The following PCDH11X variants were observed in gnomAD, a reference collection of about 807,000 sequenced individuals.
PCDH11X encodes the protein protocadherin 11 X-linked.
A neutral mutation model predicts 53.3 loss-of-function variants in PCDH11X; 18 were observed. The observed-to-expected ratio is 0.34, with a 90% CI of 0.23 to 0.50. PCDH11X has a LOEUF of 0.50. PCDH11X is among the 20% of genes least tolerant of loss of function. PCDH11X has a pLI of 0.98. For missense variants in PCDH11X, 570 were observed against 1,032.4 expected, an observed-to-expected ratio of 0.55 and a Z score of 6.14; for synonymous variants, 279 against 393.3, an observed-to-expected ratio of 0.71 and a Z score of 3.44.
At chrX:92,513,145 A>G (rs113670290) in intron 10 of PCDH11X, among the ~76,000 whole-genome samples, 5,585 of 111,024 alleles carry the variant, frequency 0.05, 332 homozygotes, top group African/African-American at 0.17. Flanking sequence ...TACTATTGTT[A>G]AAATCCGAAC....
At chrX:92,438,804 A>G (rs1249369616) in intron 9 of PCDH11X, among the ~76,000 whole-genome samples, 1 of 110,605 alleles carries the variant, frequency 9.0e-6, no homozygotes, top group Admixed American at 9.7e-5. Flanking sequence ...ACACAAGTTT[A>G]CCTGTTTTTA....
chrX:92,288,912 T>G (rs1404239503), intron 8 of PCDH11X, among the ~76,000 whole-genome samples: 8 of 110,564 alleles, frequency 7.2e-5, no homozygotes, highest in Non-Finnish European at 1.9e-5. Context: ...GAGAAATTAA[T>G]GAATGCTGTA....
intron 8 of PCDH11X, among the ~76,000 whole-genome samples, chrX:92,350,615 C>T (rs747524692): frequency 9.0e-6 from 1 of 111,605 alleles, no homozygotes; most frequent in South Asian, 3.8e-4. Context: ...TCTCCCAGGT[C>T]CTGTAGGAGC....
intron 6 of PCDH11X, among the ~76,000 whole-genome samples, chrX:91,935,896 G>A (rs1027327941): frequency 1.0e-4 from 11 of 110,054 alleles, no homozygotes; most frequent in Middle Eastern, 9.4e-3. Flanking sequence ...CTATAGAAAG[G>A]AAAGTCTAGA....
At chrX:92,252,330 C>T (rs1361300943) in intron 7 of PCDH11X, among the ~76,000 whole-genome samples, 1 of 109,842 alleles carries the variant, frequency 9.1e-6, no homozygotes, top group Non-Finnish European at 1.9e-5. Context: ...ACATGGAATA[C>T]CTGCATTAGC....
At chrX:92,486,632 C>T (rs1051555019) in intron 10 of PCDH11X, among the ~76,000 whole-genome samples, 1 of 111,745 alleles carries the variant, frequency 8.9e-6, no homozygotes, top group Non-Finnish European at 1.9e-5. Flanking sequence ...TATGCTCCAA[C>T]TACAATTGCA....
At position 91,829,959 on chromosome X, in the gene PCDH11X, G is replaced by A. The variant is rs774199176; in HGVS notation, c.-44-5502G>A. On this transcript the variant is annotated intron_variant, in intron 4 of 10. Coordinates refer to ENST00000682573, the MANE Select transcript of PCDH11X (RefSeq NM_032968.5). The stretch of plus-strand genomic sequence containing the variant: ...TACAGTAAAATAATTATTAGATACT[G>A]AAACAAGCAATATTACATTCACCCT... 2.7e-5 allele frequency among the ~76,000 whole-genome samples: 3 copies of A among 110,754 alleles called. No homozygotes were observed. In the East Asian group the frequency reaches 8.5e-4, roughly 31 times the overall value.
rs756455859 is a variant in PCDH11X at position 92,143,015 on chromosome X, G to A, written c.3034-58360G>A. On this transcript the variant is annotated intron_variant, in intron 6 of 10. Transcript: ENST00000682573. ...TCTCCAGCCAGGCATGGTGGCTCACGCCTGTAATCCTAGCATTTTGGGAGG... is the reference window on the plus strand; with the variant it reads ...TCTCCAGCCAGGCATGGTGGCTCACACCTGTAATCCTAGCATTTTGGGAGG... Among the ~76,000 whole-genome samples, 7 of 111,383 alleles carry A rather than the reference G, an allele frequency of 6.3e-5. No homozygotes were observed. The East Asian group carries it at 8.5e-4, about 14-fold the overall frequency.
At chrX:92,285,053 T>C (rs754108603) in intron 8 of PCDH11X, among the ~76,000 whole-genome samples, 2 of 110,649 alleles carry the variant, frequency 1.8e-5, no homozygotes, top group Non-Finnish European at 3.8e-5. Flanking sequence ...CAATCTATAC[T>C]GATATTGCAA....
At chrX:92,005,565 G>T (rs941437218) in intron 6 of PCDH11X, among the ~76,000 whole-genome samples, 1 of 111,694 alleles carries the variant, frequency 9.0e-6, no homozygotes, top group Admixed American at 9.5e-5. Flanking sequence ...ACTCTGTCTT[G>T]AAAAGTTGTT....
At chrX:92,018,419 A>G (rs1329546129) in intron 6 of PCDH11X, among the ~76,000 whole-genome samples, 2 of 112,151 alleles carry the variant, frequency 1.8e-5, no homozygotes, top group Admixed American at 9.5e-5. Flanking sequence ...GTTTTTTAAA[A>G]ATTGACCAGG....
At chrX:92,553,056 C>A (rs2074988030) in intron 10 of PCDH11X, among the ~76,000 whole-genome samples, 1 of 93,646 alleles carries the variant, frequency 1.1e-5, no homozygotes, top group African/African-American at 3.9e-5. Context: ...CCTTTGTCTG[C>A]TTTTGGTATC....
rs772534448 is a variant in PCDH11X, at chrX:92,262,336, T to C, written c.3115-778T>C. 2.0e-3 allele frequency among the ~76,000 whole-genome samples: 222 copies of C among 111,567 alleles called. 1 individual carries two copies. The highest frequency in any genetic ancestry group is 6.9e-3 in the African/African-American group (213 of 30,776). ...GATAAAGATTGCGGAGAACAGACTTTCAGGAGCATCATTAGCTGGAAATGT... is the reference window on the plus strand; with the variant it reads ...GATAAAGATTGCGGAGAACAGACTTCCAGGAGCATCATTAGCTGGAAATGT... On this transcript the variant is annotated intron_variant, in intron 7 of 10. Coordinates refer to ENST00000682573, the MANE Select transcript of PCDH11X (RefSeq NM_032968.5).
At chrX:92,255,802 C>T (rs1369832670) in intron 7 of PCDH11X, among the ~76,000 whole-genome samples, 1 of 112,313 alleles carries the variant, frequency 8.9e-6, no homozygotes, top group Non-Finnish European at 1.9e-5. Flanking sequence ...CTCAGATCTC[C>T]AGCTGCGTAC....
chrX:91,957,559 G>A (rs2061726368), intron 6 of PCDH11X, among the ~76,000 whole-genome samples: 1 of 101,898 alleles, frequency 9.8e-6, no homozygotes, highest in South Asian at 4.3e-4. Flanking sequence ...TTAGACCCTA[G>A]TTGCCTCAGT....
At chrX:91,903,776 A>G (rs943579219) in intron 6 of PCDH11X, among the ~76,000 whole-genome samples, 1 of 109,835 alleles carries the variant, frequency 9.1e-6, no homozygotes, top group African/African-American at 3.3e-5. Flanking sequence ...AATGGAAGGC[A>G]AGTTTTAAAG....
chrX:92,370,482 C>T (rs781705570), intron 8 of PCDH11X, among the ~76,000 whole-genome samples: 7 of 90,968 alleles, frequency 7.7e-5, no homozygotes, highest in Admixed American at 5.5e-4. Context: ...TTTTTTGAGA[C>T]AGAGTCTCGC....
At chrX:92,443,496 T>C (rs767471697) in intron 9 of PCDH11X, among the ~76,000 whole-genome samples, 109 of 111,608 alleles carry the variant, frequency 9.8e-4, no homozygotes, top group Middle Eastern at 4.7e-3. Flanking sequence ...CTGCTGATAG[T>C]TTCTTTTGTT....
rs1346974750 is a variant in PCDH11X, at chrX:92,358,031, G to A, written c.3145-29704G>A. The stretch of plus-strand genomic sequence containing the variant: ...GGACAATAATTGGTGACGTCTATGG[G>A]GCCAAAGCCAAGGACCCACAAGAAA... On this transcript the variant is annotated intron_variant, in intron 8 of 10. Coordinates refer to ENST00000682573, the MANE Select transcript of PCDH11X (RefSeq NM_032968.5). Among the ~76,000 whole-genome samples, 5 of 109,136 alleles carry A rather than the reference G, an allele frequency of 4.6e-5. No individual in the cohort carries two copies. The East Asian group carries it at 1.5e-3, about 32-fold the overall frequency. The allele number at this position is 109,136 out of a possible 115,157, so 94.8% of individuals were successfully genotyped here. A position where few individuals can be genotyped will look rare whatever the true frequency, so the allele number is the denominator to read the frequency against.
Sources: allele counts gnomAD v4.1 joint callset (sites outside exome capture counted in the v4.1 genomes callset), GRCh38; gene constraint gnomAD v4.1.1; transcripts MANE v1.5; gene names NCBI Gene and HGNC (gene_info 2026-07-23, HGNC 2026-07-21).